Variants in KPNA3 observed in about 807,000 individuals in gnomAD.
The protein encoded by KPNA3 is karyopherin subunit alpha 3.
In KPNA3, 13 loss-of-function variants were observed where a neutral mutation model predicts 73.8. The ratio of observed to expected loss-of-function variants is 0.18; its 90% CI spans 0.11 to 0.28. The LOEUF is 0.28. Among genes scored for constraint, KPNA3 ranks in the 10% least tolerant of loss-of-function variants. The pLI is 1.00. For synonymous variants in KPNA3, 186 were observed against 206.9 expected (o/e 0.90, Z 0.87); for missense variants, 360 against 618.1 (o/e 0.58, Z 4.43).
chr13:49,700,465 A>G lies in KPNA3; in HGVS notation c.*1335T>C, dbSNP rs972316876. ...CTTTCATTAATAACTGGGTCAGACA[A>G]TTTACCAAAAGCAATAACTTGACAT... On this transcript the variant is annotated 3_prime_UTR_variant, in exon 17 of 17. Coordinates refer to ENST00000261667, the MANE Select transcript of KPNA3 (RefSeq NM_002267.4). 11 of 152,646 alleles carry G rather than the reference A, an allele frequency of 7.2e-5. No individual in the cohort carries two copies. Among genetic ancestry groups the G allele is most frequent in the African/African-American group, 2.2e-4 (9 of 41,440 alleles). 9.5% of individuals were successfully genotyped at this position (152,646 alleles called of 1,614,324 possible).
chr13:49,753,683 T>C (rs762405735), intron 1 of KPNA3, among the ~76,000 whole-genome samples: 10 of 152,224 alleles, frequency 6.6e-5, no homozygotes, highest in Non-Finnish European at 1.2e-4. Context: ...CTCAGCTCCA[T>C]TTCCTGTCAG....
intron 15 of KPNA3, among the ~76,000 whole-genome samples, 178 bp from the exon 16 acceptor site, chr13:49,702,658 CCAGAAT>C (rs974803176): frequency 6.6e-6 from 1 of 152,048 alleles, no homozygotes; most frequent in Non-Finnish European, 1.5e-5. Context: ...AGTTGGAGGA[CCAGAAT>C]CCCACTAATT....
intron 2 of KPNA3, among the ~76,000 whole-genome samples, chr13:49,744,179 C>T (rs1954596993): frequency 6.6e-6 from 1 of 151,974 alleles, no homozygotes; most frequent in African/African-American, 2.4e-5. Flanking sequence ...ATACTTACGA[C>T]GTGTGGACTT....
chr13:49,742,619 T>C (rs145241741), intron 2 of KPNA3, among the ~76,000 whole-genome samples: 37 of 151,276 alleles, frequency 2.4e-4, no homozygotes, highest in African/African-American at 9.0e-4. Context: ...AAATTTTAGT[T>C]TTTTTTTTTC....
At chr13:49,728,607 A>G (rs182772599) in intron 6 of KPNA3, among the ~76,000 whole-genome samples, 97 of 152,342 alleles carry the variant, frequency 6.4e-4, no homozygotes, top group Non-Finnish European at 1.1e-3. Context: ...TCCTAAAGAC[A>G]AAGTACAATC....
intron 3 of KPNA3, 31 bp from the exon 4 acceptor site, chr13:49,732,807 A>G: frequency 1.3e-6 from 2 of 1,510,362 alleles, no homozygotes; most frequent in Admixed American, 1.9e-5. Context: ...AGTTCAGCAG[A>G]GTTTATTAAC....
chr13:49,728,328 G>T (rs536168102), intron 6 of KPNA3, among the ~76,000 whole-genome samples: 1 of 152,046 alleles, frequency 6.6e-6, no homozygotes, highest in African/African-American at 2.4e-5. Context: ...ATTAATCTTG[G>T]TCGTGCCCTA....
intron 1 of KPNA3, among the ~76,000 whole-genome samples, chr13:49,766,046 T>G (rs1954805307): frequency 6.6e-6 from 1 of 152,198 alleles, no homozygotes; most frequent in African/African-American, 2.4e-5. Flanking sequence ...TTTACTGTTT[T>G]CACCTTATCT....
intron 2 of KPNA3, among the ~76,000 whole-genome samples, chr13:49,735,385 G>A (rs546581597): frequency 2.6e-5 from 4 of 152,156 alleles, no homozygotes; most frequent in African/African-American, 7.2e-5. Context: ...GCCTCCAAAA[G>A]TGGTAGGGTT....
chr13:49,749,589 G>A (rs562171503), intron 1 of KPNA3, among the ~76,000 whole-genome samples: 9 of 152,212 alleles, frequency 5.9e-5, no homozygotes, highest in African/African-American at 1.9e-4. Flanking sequence ...TCTGCTTAGG[G>A]TTGAAGTTTT....
intron 1 of KPNA3, among the ~76,000 whole-genome samples, chr13:49,786,442 T>C (rs1318418840): frequency 3.9e-5 from 6 of 152,214 alleles, no homozygotes; most frequent in Non-Finnish European, 8.8e-5. Flanking sequence ...TAGGGACTGA[T>C]AGTACCAAGT....
At chr13:49,726,564 G>T (rs1189347344) in intron 6 of KPNA3, among the ~76,000 whole-genome samples, 1 of 151,948 alleles carries the variant, frequency 6.6e-6, no homozygotes, top group African/African-American at 2.4e-5. Context: ...TGCTAAGGAT[G>T]GGGCATTGAA....
At chr13:49,710,111 A>C (rs1418456619) in intron 11 of KPNA3, among the ~76,000 whole-genome samples, 1 of 152,136 alleles carries the variant, frequency 6.6e-6, no homozygotes, top group Non-Finnish European at 1.5e-5. Flanking sequence ...AGAAATACAA[A>C]AATTAGCTGG....
At chr13:49,757,409 T>C (rs984905652) in intron 1 of KPNA3, among the ~76,000 whole-genome samples, 1 of 152,138 alleles carries the variant, frequency 6.6e-6, no homozygotes, top group Non-Finnish European at 1.5e-5. Flanking sequence ...AAATATTTCA[T>C]GGAAGAGGAT....
chr13:49,723,162 C>G (rs187580893), intron 7 of KPNA3, among the ~76,000 whole-genome samples: 1 of 151,646 alleles, frequency 6.6e-6, no homozygotes, highest in Non-Finnish European at 1.5e-5. Flanking sequence ...AACAACTTTA[C>G]GGAGATATAA....
intron 9 of KPNA3, among the ~76,000 whole-genome samples, chr13:49,721,275 A>G (rs1350293005): frequency 3.3e-5 from 5 of 152,160 alleles, no homozygotes; most frequent in Admixed American, 6.5e-5. Flanking sequence ...ATTCAAGAAC[A>G]TTTGCATGTA....
intron 1 of KPNA3, among the ~76,000 whole-genome samples, chr13:49,761,224 G>GGTCTCCCTCTCCCTCTCCCCACA (rs1312173470): frequency 9.3e-5 from 14 of 151,282 alleles, no homozygotes; most frequent in East Asian, 2.0e-4. Context: ...CTCTCCCCAC[G>GGTCTCCCTCTCCCTCTCCCCACA]GTCTCCCTCT....
At chr13:49,786,640 C>G (rs903919120) in intron 1 of KPNA3, among the ~76,000 whole-genome samples, 1 of 152,002 alleles carries the variant, frequency 6.6e-6, no homozygotes, top group African/African-American at 2.4e-5. Context: ...AGAAGGCACA[C>G]AGAACAGCAT....
At position 49,701,061 on chromosome 13, in the gene KPNA3, G is replaced by C. The variant is rs952366773; in HGVS notation, c.*739C>G. On this transcript the variant is annotated 3_prime_UTR_variant, in exon 17 of 17. Coordinates refer to ENST00000261667, the MANE Select transcript of KPNA3 (RefSeq NM_002267.4). Reference sequence around the variant, plus strand: ...ACAGCAGGAACACACAGGCTGAAGAGAGTGGTCAAATAGGGCTTGCTGTTC... The same window carrying C: ...ACAGCAGGAACACACAGGCTGAAGACAGTGGTCAAATAGGGCTTGCTGTTC... 1 of 155,900 alleles carries C rather than the reference G, an allele frequency of 6.4e-6. No individual in the cohort carries two copies. The highest frequency in any genetic ancestry group is 3.3e-3 in the Middle Eastern group (1 of 304). 9.7% of individuals were successfully genotyped at this position (155,900 alleles called of 1,614,324 possible).
Sources: allele counts gnomAD v4.1 joint callset (sites outside exome capture counted in the v4.1 genomes callset), GRCh38; gene constraint gnomAD v4.1.1; transcripts MANE v1.5; gene names NCBI Gene and HGNC (gene_info 2026-07-23, HGNC 2026-07-21).